QRICH1: variants seen among roughly 807,000 people sequenced by gnomAD.
QRICH1 encodes the protein glutamine rich 1, also known as transcriptional regulator QRICH1.
Under a neutral mutation model 87.1 loss-of-function variants are expected in QRICH1, and 16 were observed. That is an observed-to-expected ratio of 0.18 (90% CI 0.12 to 0.28). QRICH1 has a LOEUF of 0.28. Among genes scored for constraint, QRICH1 ranks in the 10% least tolerant of loss-of-function variants. The pLI, the probability that QRICH1 is intolerant of heterozygous loss-of-function variation, is 1.00. For synonymous variants in QRICH1, 367 were observed against 368.4 expected, an observed-to-expected ratio of 1.00 and a Z score of 0.05; for missense variants, 647 against 951.7, an observed-to-expected ratio of 0.68 and a Z score of 4.21.
intron 1 of QRICH1, among the ~76,000 whole-genome samples, chr3:49,091,930 G>C (rs1450015975): frequency 6.6e-6 from 1 of 152,112 alleles, no homozygotes; most frequent in Non-Finnish European, 1.5e-5. Flanking sequence ...AAATTAGCCA[G>C]GTGTGGTGCT....
intron 3 of QRICH1, among the ~76,000 whole-genome samples, chr3:49,055,920 T>C (rs1436442188): frequency 1.3e-5 from 2 of 152,100 alleles, no homozygotes; most frequent in African/African-American, 2.4e-5. Context: ...CTCTGGTGAC[T>C]CACCCGCCTT....
chr3:49,045,356 GT>G (rs1360844934), intron 5 of QRICH1, among the ~76,000 whole-genome samples: 1 of 143,340 alleles, frequency 7.0e-6, no homozygotes, highest in East Asian at 2.0e-4. Flanking sequence ...AAAAGTCAAG[GT>G]AATTACCAAT....
In QRICH1 at chr3:49,083,749, C is replaced by T. The variant is rs189320494; in HGVS notation, c.-21-6711G>A. On this transcript the variant is annotated intron_variant, in intron 1 of 9. Coordinates refer to ENST00000395443, the MANE Select transcript of QRICH1 (RefSeq NM_198880.3). The stretch of plus-strand genomic sequence containing the variant: ...TGCCACTGCACTCCAGCTTGGGTGA[C>T]AGAGTGAGACTCCATCTCAAAAAAA... Among the ~76,000 whole-genome samples, 158 of 151,118 alleles carry T rather than the reference C, an allele frequency of 1.0e-3. 1 individual carries two copies. The highest frequency in any genetic ancestry group is 3.7e-3 in the African/African-American group (152 of 41,240).
chr3:49,049,090 C>T (rs1011068073), intron 3 of QRICH1, among the ~76,000 whole-genome samples: 11 of 151,850 alleles, frequency 7.2e-5, no homozygotes, highest in South Asian at 2.1e-4. Context: ...TTCGTAGAGA[C>T]GGCTGTTATT....
At chr3:49,046,668 A>G (rs2093341194) in intron 4 of QRICH1, 89 bp from the exon 5 acceptor site, 1 of 1,396,534 alleles carries the variant, frequency 7.2e-7, no homozygotes, top group East Asian at 2.3e-5. Context: ...GGGTGCTGGG[A>G]TAGAAATGCT....
chr3:49,058,062 C>A, intron 2 of QRICH1, 172 bp from the exon 3 acceptor site: 1 of 1,146,760 alleles, frequency 8.7e-7, no homozygotes, highest in Non-Finnish European at 1.2e-6. Context: ...CCAGGATTGT[C>A]CAGCAGCACA....
At chr3:49,051,324 T>C (rs183659342) in intron 3 of QRICH1, among the ~76,000 whole-genome samples, 102 of 152,260 alleles carry the variant, frequency 6.7e-4, no homozygotes, top group Middle Eastern at 3.4e-3. Flanking sequence ...ACTCACAACA[T>C]TGTCCTTTGC....
At position 49,076,899 on chromosome 3, in the gene QRICH1, T is replaced by C. The variant is rs770038911; in HGVS notation, c.119A>G (p.Glu40Gly). 10 of 1,613,880 alleles carry C rather than the reference T, an allele frequency of 6.2e-6. No homozygotes were observed. Among genetic ancestry groups the C allele is most frequent in the Admixed American group, 5.0e-5 (3 of 59,938 alleles). The change falls in exon 2 of 10, where the codon GAA becomes GGA. Residue 40 changes from glutamate (E) to glycine (G), a missense_variant. Coordinates refer to ENST00000395443, the MANE Select transcript of QRICH1 (RefSeq NM_198880.3). Reference protein sequence around the residue: ...FLDSLASKGPEALQEFQQTAT... With the variant: ...FLDSLASKGPGALQEFQQTAT... ...TGTCTGCTGGAACTCCTGAAGGGCT[T>C]CTGGCCCCTTAGAGGCCAGTGAGTC... is the stretch of plus-strand genomic sequence containing the variant.
intron 3 of QRICH1, 125 bp from the exon 4 acceptor site, chr3:49,047,371 C>A: frequency 2.1e-6 from 2 of 951,644 alleles, no homozygotes; most frequent in East Asian, 5.3e-5. Flanking sequence ...TCATTGCTGT[C>A]CTACTTTTAA....
At chr3:49,094,293 G>A, upstream of QRICH1, 1 of 364,382 alleles carries the variant, frequency 2.7e-6, no homozygotes, top group Non-Finnish European at 4.9e-6. Flanking sequence ...CCTAGTAGTG[G>A]AGTCTCGGAA....
At position 49,036,165 on chromosome 3, in the gene QRICH1, G is replaced by A. The variant is rs1264396066; in HGVS notation, c.1787-2937C>T. 2.6e-5 allele frequency among the ~76,000 whole-genome samples: 4 copies of A among 152,070 alleles called. No homozygotes were observed. The East Asian group carries it at 5.8e-4, about 22-fold the overall frequency. On this transcript the variant is annotated intron_variant, in intron 6 of 9. Transcript: ENST00000395443. ...AGGGCTCCTAGCATGGAAGTAAGGG[G>A]CTATAGATAAAAAAAACCTAGGTAT... is the stretch of plus-strand genomic sequence containing the variant.
intron 2 of QRICH1, among the ~76,000 whole-genome samples, chr3:49,059,793 C>T (rs555768075): frequency 3.7e-4 from 56 of 152,030 alleles, no homozygotes; most frequent in African/African-American, 1.3e-3. Context: ...TCACGGCTCA[C>T]CGTAACCTCT....
chr3:49,035,024 G>A (rs1306832187), intron 6 of QRICH1, among the ~76,000 whole-genome samples: 1 of 152,166 alleles, frequency 6.6e-6, no homozygotes, highest in African/African-American at 2.4e-5. Flanking sequence ...ATCTCTTTAA[G>A]GCAGTTCTGA....
At chr3:49,082,229 G>A (rs1243282828) in intron 1 of QRICH1, among the ~76,000 whole-genome samples, 1 of 152,146 alleles carries the variant, frequency 6.6e-6, no homozygotes, top group African/African-American at 2.4e-5. Flanking sequence ...GAGCCACTGC[G>A]CCCAGCAAGG....
Position 49,044,563 on chromosome 3 carries a change from GAAAT to G in QRICH1, c.1672-63_1672-60del, listed in dbSNP as rs2106855438. The G allele has an allele frequency of 4.9e-6, 6 of 1,234,156 alleles. No homozygotes were observed. The South Asian group carries it at 7.8e-5, about 16-fold the overall frequency. The allele number at this position is 1,234,156 out of a possible 1,614,324, so 76.5% of individuals were successfully genotyped here. A position where few individuals can be genotyped will look rare whatever the true frequency, so the allele number is the denominator to read the frequency against. ...AGTCTCCTGAACAAGGATTTCAGGG[GAAAT>G]AAATATATTTTTCTACCAGTACTAC... On this transcript the variant is annotated intron_variant, in intron 5 of 9. Coordinates refer to ENST00000395443, the MANE Select transcript of QRICH1 (RefSeq NM_198880.3).
intron 6 of QRICH1, among the ~76,000 whole-genome samples, chr3:49,039,453 G>A (rs920670937): frequency 1.3e-5 from 2 of 151,542 alleles, no homozygotes; most frequent in African/African-American, 4.9e-5. Flanking sequence ...GGCCGAGGCG[G>A]GCCGATCACT....
intron 1 of QRICH1, among the ~76,000 whole-genome samples, chr3:49,089,991 G>A (rs2042243441): frequency 1.3e-5 from 2 of 152,178 alleles, no homozygotes; most frequent in African/African-American, 4.8e-5. Context: ...AATTTACATG[G>A]ATGGATAAAT....
At chr3:49,091,868 C>T (rs557757605) in intron 1 of QRICH1, among the ~76,000 whole-genome samples, 1 of 152,070 alleles carries the variant, frequency 6.6e-6, no homozygotes, top group African/African-American at 2.4e-5. Flanking sequence ...GTCAGGAGTT[C>T]GAGACCAGTC....
chr3:49,080,453 A>C (rs1168994050), intron 1 of QRICH1, among the ~76,000 whole-genome samples: 2 of 152,140 alleles, frequency 1.3e-5, no homozygotes, highest in Non-Finnish European at 2.9e-5. Flanking sequence ...TTCCCAACGG[A>C]GTAGATGGGA....
Sources: gnomAD v4.1 joint callset for allele counts (sites outside exome capture counted in the v4.1 genomes callset) on GRCh38, gnomAD v4.1.1 for gene constraint, MANE v1.5 for transcripts, NCBI Gene and HGNC (gene_info 2026-07-23, HGNC 2026-07-21) for gene names.